Variants in LINGO2 observed in about 807,000 individuals in gnomAD.
The protein encoded by LINGO2 is leucine rich repeat and Ig domain containing 2, also known as leucine-rich repeat and immunoglobulin-like domain-containing nogo receptor-interacting protein 2.
A neutral mutation model predicts 30.6 loss-of-function variants in LINGO2; 14 were observed. The observed-to-expected ratio is 0.46, with a 90% CI of 0.30 to 0.72. LINGO2 has a LOEUF of 0.72. LINGO2 is among the 30% of genes least tolerant of loss of function. The pLI is 0.07. For missense variants in LINGO2, 729 were observed against 751.7 expected (o/e 0.97, Z 0.35); for synonymous variants, 317 against 288.5 (o/e 1.10, Z -1.00).
chr9:28,102,177 A>AT (rs11347345), intron 4 of LINGO2, among the ~76,000 whole-genome samples: 191 of 148,852 alleles, frequency 1.3e-3, no homozygotes, highest in Non-Finnish European at 1.6e-3. Context: ...GAAAGGCTGT[A>AT]TTTTTTTTTT....
the LINGO2 span, among the ~76,000 whole-genome samples, chr9:28,997,310 A>T: frequency 2.6e-5 from 4 of 152,204 alleles, no homozygotes; most frequent in South Asian, 2.1e-4. Context: ...ATGTGGAAAA[A>T]GTGAGTGGTA....
chr9:29,066,943 C>A, the LINGO2 span, among the ~76,000 whole-genome samples: 1 of 151,756 alleles, frequency 6.6e-6, no homozygotes, highest in Non-Finnish European at 1.5e-5. Context: ...TAGCAATGAG[C>A]AAAACTAACC....
At chr9:28,985,147 C>T in the LINGO2 span, among the ~76,000 whole-genome samples, 7 of 152,116 alleles carry the variant, frequency 4.6e-5, no homozygotes, top group Non-Finnish European at 1.0e-4. Flanking sequence ...GCTTATTTCA[C>T]TTAGCCTAAT....
At chr9:28,191,999 C>T (rs1202038670) in intron 4 of LINGO2, among the ~76,000 whole-genome samples, 1 of 151,978 alleles carries the variant, frequency 6.6e-6, no homozygotes, top group Non-Finnish European at 1.5e-5. Context: ...CGTCCTTGGC[C>T]TCTCCACTTG....
chr9:29,090,890 C>A, the LINGO2 span, among the ~76,000 whole-genome samples: 1 of 151,942 alleles, frequency 6.6e-6, no homozygotes, highest in Non-Finnish European at 1.5e-5. Flanking sequence ...AACTTACTAT[C>A]CCTCTGATGC....
intron 4 of LINGO2, among the ~76,000 whole-genome samples, chr9:28,078,666 G>C (rs539022163): frequency 1.4e-5 from 2 of 148,096 alleles, no homozygotes; most frequent in East Asian, 1.9e-4. Flanking sequence ...GCCTAACATG[G>C]AGAAACGCCG....
At chr9:28,637,821 G>T (rs894983351) in intron 1 of LINGO2, among the ~76,000 whole-genome samples, 3 of 151,928 alleles carry the variant, frequency 2.0e-5, no homozygotes. Flanking sequence ...ATTTCTTTCT[G>T]CTGCCTGATT....
chr9:28,098,308 CAAAA>C (rs1826308320), intron 4 of LINGO2, among the ~76,000 whole-genome samples: 1 of 135,874 alleles, frequency 7.4e-6, no homozygotes, highest in Non-Finnish European at 1.7e-5. Flanking sequence ...CTGTCAAAAA[CAAAA>C]AACAAAAAAC....
At chr9:28,244,004 C>G (rs935769924) in intron 4 of LINGO2, among the ~76,000 whole-genome samples, 1 of 152,134 alleles carries the variant, frequency 6.6e-6, no homozygotes, top group African/African-American at 2.4e-5. Flanking sequence ...ACTCTCTACC[C>G]CAAAACAATA....
At chr9:28,153,582 CT>C (rs1477492930) in intron 4 of LINGO2, among the ~76,000 whole-genome samples, 1 of 152,194 alleles carries the variant, frequency 6.6e-6, no homozygotes, top group Non-Finnish European at 1.5e-5. Context: ...AAAAGTCTGT[CT>C]CTTCAACATT....
intron 4 of LINGO2, among the ~76,000 whole-genome samples, chr9:28,064,804 C>G (rs916554422): frequency 2.0e-5 from 3 of 152,022 alleles, no homozygotes; most frequent in African/African-American, 7.2e-5. Flanking sequence ...AAACCTGGTG[C>G]CTTTGCCAAC....
At chr9:29,142,838 TGA>T in the LINGO2 span, among the ~76,000 whole-genome samples, 5 of 151,860 alleles carry the variant, frequency 3.3e-5, no homozygotes, top group African/African-American at 1.2e-4. Flanking sequence ...AAGCGTCCAT[TGA>T]GAGAGGAATA....
the LINGO2 span, among the ~76,000 whole-genome samples, chr9:28,935,087 C>T: frequency 6.6e-6 from 1 of 151,372 alleles, no homozygotes; most frequent in East Asian, 1.9e-4. Flanking sequence ...AATTGTTTTT[C>T]AAGATTAATC....
At chr9:28,772,941 T>C in the LINGO2 span, among the ~76,000 whole-genome samples, 4 of 152,174 alleles carry the variant, frequency 2.6e-5, no homozygotes, top group Non-Finnish European at 4.4e-5. Context: ...AATTCAAACC[T>C]TTTGATTCTA....
chr9:28,240,374 A>C (rs1389037233), intron 4 of LINGO2, among the ~76,000 whole-genome samples: 1 of 152,188 alleles, frequency 6.6e-6, no homozygotes, highest in Non-Finnish European at 1.5e-5. Flanking sequence ...CTGACTTCAA[A>C]TTATACTACA....
intron 1 of LINGO2, among the ~76,000 whole-genome samples, chr9:28,525,699 G>A (rs185386311): frequency 1.3e-5 from 2 of 152,208 alleles, no homozygotes; most frequent in Admixed American, 6.5e-5. Flanking sequence ...TTTTGAGATG[G>A]TGACATTTTC....
chr9:28,325,160 C>A (rs1825183114), intron 3 of LINGO2, among the ~76,000 whole-genome samples: 1 of 149,360 alleles, frequency 6.7e-6, no homozygotes, highest in South Asian at 2.1e-4. Context: ...AAACTTTAGA[C>A]AGGTTTGTTC....
chr9:29,162,894 G>A, the LINGO2 span, among the ~76,000 whole-genome samples: 1 of 152,158 alleles, frequency 6.6e-6, no homozygotes, highest in East Asian at 1.9e-4. Context: ...TTATTTCACT[G>A]CACCTTGGGT....
the LINGO2 span, among the ~76,000 whole-genome samples, chr9:29,068,038 T>A: frequency 6.6e-6 from 1 of 151,828 alleles, no homozygotes; most frequent in African/African-American, 2.4e-5. Context: ...GCATTCTGCA[T>A]CAAAATGAAA....
Sources: gnomAD v4.1 joint callset for allele counts (sites outside exome capture counted in the v4.1 genomes callset) on GRCh38, gnomAD v4.1.1 for gene constraint, MANE v1.5 for transcripts, NCBI Gene and HGNC (gene_info 2026-07-23, HGNC 2026-07-21) for gene names.